Variants in IFT88 observed in about 807,000 individuals in gnomAD.
IFT88 encodes intraflagellar transport protein 88 homolog.
A neutral mutation model predicts 119.5 loss-of-function variants in IFT88; 74 were observed. The ratio of observed to expected loss-of-function variants is 0.62; its 90% CI spans 0.51 to 0.75. The LOEUF (loss-of-function observed/expected upper bound fraction) is 0.75. Ranked by LOEUF, IFT88 falls within the 30% of genes least tolerant of loss-of-function variation. The pLI is 0.00. For synonymous variants in IFT88, 279 were observed against 316.7 expected (o/e 0.88, Z 1.26); for missense variants, 961 against 977.7 (o/e 0.98, Z 0.23).
At chr13:20,587,374 C>T (rs1481948494) in intron 3 of IFT88, among the ~76,000 whole-genome samples, 1 of 152,100 alleles carries the variant, frequency 6.6e-6, no homozygotes, top group African/African-American at 2.4e-5. Flanking sequence ...TCTCGGGCCT[C>T]AGCCTCCTGA....
At chr13:20,620,414 T>A (rs2046287001) in intron 14 of IFT88, among the ~76,000 whole-genome samples, 1 of 152,218 alleles carries the variant, frequency 6.6e-6, no homozygotes, top group African/African-American at 2.4e-5. Flanking sequence ...CCTACATTTC[T>A]ATAGTTTATA....
At chr13:20,682,200 A>T (rs975673438) in intron 24 of IFT88, among the ~76,000 whole-genome samples, 1 of 152,248 alleles carries the variant, frequency 6.6e-6, no homozygotes, top group African/African-American at 2.4e-5. Flanking sequence ...AAGGAATTAG[A>T]GTCTGTGAAT....
intron 14 of IFT88, among the ~76,000 whole-genome samples, chr13:20,618,589 T>C (rs2046006830): frequency 6.6e-6 from 1 of 152,178 alleles, no homozygotes; most frequent in South Asian, 2.1e-4. Context: ...CTCTATACTA[T>C]GCAAATAGTT....
chr13:20,652,748 A>G (rs2051987569), intron 20 of IFT88, among the ~76,000 whole-genome samples: 1 of 152,238 alleles, frequency 6.6e-6, no homozygotes, highest in Non-Finnish European at 1.5e-5. Context: ...AAACATAAAT[A>G]ATAATACCAC....
At chr13:20,622,154 C>T (rs946256100) in intron 14 of IFT88, among the ~76,000 whole-genome samples, 11 of 152,150 alleles carry the variant, frequency 7.2e-5, no homozygotes, top group African/African-American at 2.7e-4. Flanking sequence ...CTGTAATCCT[C>T]CAATGAGCAT....
intron 18 of IFT88, chr13:20,642,379 G>C (rs997712572): frequency 1.3e-5 from 2 of 152,114 alleles, no homozygotes; most frequent in Admixed American, 1.3e-4. Context: ...CAAGGCAGGC[G>C]GATCATTTGA....
At chr13:20,633,763 G>C (rs2140148356) in intron 16 of IFT88, among the ~76,000 whole-genome samples, 1 of 152,270 alleles carries the variant, frequency 6.6e-6, no homozygotes, top group Non-Finnish European at 1.5e-5. Context: ...AGAATGTTTT[G>C]AGGCCAAGTG....
chr13:20,672,677 G>A (rs1193218929), intron 24 of IFT88, among the ~76,000 whole-genome samples: 1 of 152,186 alleles, frequency 6.6e-6, no homozygotes, highest in Non-Finnish European at 1.5e-5. Flanking sequence ...TAGAAAGCAA[G>A]ATGTATTAGC....
intron 24 of IFT88, among the ~76,000 whole-genome samples, chr13:20,687,808 A>G (rs1451186975): frequency 6.6e-6 from 1 of 152,216 alleles, no homozygotes; most frequent in Admixed American, 6.5e-5. Flanking sequence ...TTGGTAGCAA[A>G]GAAGGAAATT....
intron 1 of IFT88, among the ~76,000 whole-genome samples, chr13:20,570,024 G>A (rs1255311434): frequency 7.6e-6 from 1 of 132,450 alleles, no homozygotes; most frequent in African/African-American, 2.8e-5. Flanking sequence ...AGGCGACAGA[G>A]CAAGATTCCG....
intron 15 of IFT88, among the ~76,000 whole-genome samples, 194 bp downstream of exon 15, chr13:20,626,043 CTTTTTTTTTTTTTTTT>C (rs528587128): frequency 6.3e-4 from 25 of 39,566 alleles, no homozygotes; most frequent in African/African-American, 2.6e-3. Context: ...TTTGTCGTTT[CTTTTTTTTTTTTTTTT>C]TTTTTTTTTT....
chr13:20,605,582 C>T (rs1015862151), intron 13 of IFT88, among the ~76,000 whole-genome samples: 3 of 152,174 alleles, frequency 2.0e-5, no homozygotes, highest in African/African-American at 4.8e-5. Context: ...ACACTTCTGA[C>T]ACCAAATGTG....
intron 20 of IFT88, among the ~76,000 whole-genome samples, chr13:20,650,796 T>A (rs1427428967): frequency 6.6e-6 from 1 of 152,142 alleles, no homozygotes; most frequent in Non-Finnish European, 1.5e-5. Flanking sequence ...ACAAAACTAG[T>A]TGTATTTCTA....
At chr13:20,594,274 T>C (rs2041247991) in intron 7 of IFT88, among the ~76,000 whole-genome samples, 1 of 152,098 alleles carries the variant, frequency 6.6e-6, no homozygotes, top group African/African-American at 2.4e-5. Flanking sequence ...AAAATCTCCA[T>C]GTAACTGATA....
At chr13:20,625,713 C>A (rs2047186725) in intron 14 of IFT88, 37 bp from the exon 15 acceptor site, 1 of 1,442,680 alleles carries the variant, frequency 6.9e-7, no homozygotes, top group Non-Finnish European at 9.5e-7. Flanking sequence ...TATACTAAAA[C>A]AAAATCAAGT....
intron 17 of IFT88, among the ~76,000 whole-genome samples, chr13:20,638,847 G>GA (rs1173638111): frequency 2.0e-5 from 3 of 152,234 alleles, no homozygotes; most frequent in South Asian, 2.1e-4. Context: ...TCATAGATGG[G>GA]AAAAAATCCC....
chr13:20,621,417 A>G (rs945353950), intron 14 of IFT88, among the ~76,000 whole-genome samples: 11 of 151,922 alleles, frequency 7.2e-5, no homozygotes, highest in African/African-American at 1.5e-4. Context: ...AGCAGGCAGT[A>G]TAAGTCCTCC....
intron 13 of IFT88, among the ~76,000 whole-genome samples, chr13:20,608,700 T>TC (rs1393045826): frequency 8.5e-5 from 13 of 152,154 alleles, no homozygotes; most frequent in Admixed American, 5.9e-4. Flanking sequence ...TTCAAAAACA[T>TC]CCCCAGCCAC....
At chr13:20,574,539 G>C (rs1156391369) in intron 2 of IFT88, 64 bp downstream of exon 2, 1 of 814,686 alleles carries the variant, frequency 1.2e-6, no homozygotes, top group Non-Finnish European at 2.0e-6. Flanking sequence ...GAAGACTGTG[G>C]ATTTGAGAGT....
Sources: allele counts gnomAD v4.1 joint callset (sites outside exome capture counted in the v4.1 genomes callset), GRCh38; gene constraint gnomAD v4.1.1; transcripts MANE v1.5; gene names NCBI Gene and HGNC (gene_info 2026-07-23, HGNC 2026-07-21).